Variants in KCNQ3 observed in about 807,000 individuals in gnomAD.
KCNQ3 encodes the protein potassium voltage-gated channel subfamily Q member 3.
KCNQ3 carries 30 observed loss-of-function variants against 92.5 expected under a neutral mutation model. The observed-to-expected ratio is 0.32, with a 90% CI of 0.24 to 0.44. KCNQ3 has a LOEUF of 0.44. Ranked by LOEUF, KCNQ3 falls within the 20% of genes least tolerant of loss-of-function variation. The probability of loss-of-function intolerance (pLI) is 1.00; values close to 1 mark genes in which losing one functional copy is unlikely to be tolerated. For synonymous variants in KCNQ3, 450 were observed against 468.8 expected (o/e 0.96, Z 0.52); for missense variants, 913 against 1,140.3 (o/e 0.80, Z 2.87).
At chr8:132,214,547 C>A (rs903998943) in intron 1 of KCNQ3, among the ~76,000 whole-genome samples, 2 of 152,174 alleles carry the variant, frequency 1.3e-5, no homozygotes, top group African/African-American at 4.8e-5. Context: ...CCTCTCCTCC[C>A]TCCCCTCCCC....
At chr8:132,160,455 G>A (rs570950649) in intron 9 of KCNQ3, among the ~76,000 whole-genome samples, 2 of 152,178 alleles carry the variant, frequency 1.3e-5, no homozygotes, top group Non-Finnish European at 1.5e-5. Context: ...TAGTCACTCA[G>A]CAAATACATG....
intron 12 of KCNQ3, among the ~76,000 whole-genome samples, chr8:132,135,937 C>A (rs533908153): frequency 6.6e-6 from 1 of 151,488 alleles, no homozygotes; most frequent in African/African-American, 2.4e-5. Flanking sequence ...CTGGCCAGCA[C>A]GGTGAAACCC....
intron 1 of KCNQ3, among the ~76,000 whole-genome samples, chr8:132,187,644 G>C (rs1480705498): frequency 6.6e-6 from 1 of 151,668 alleles, no homozygotes; most frequent in Non-Finnish European, 1.5e-5. Context: ...TGGTGGTGAT[G>C]ATGATGGTTG....
intron 9 of KCNQ3, 53 bp downstream of exon 9, chr8:132,163,415 G>C: frequency 1.4e-6 from 2 of 1,473,236 alleles, no homozygotes; most frequent in Non-Finnish European, 1.9e-6. Context: ...GGAGCAGGAT[G>C]CTCTGTCTTG....
At chr8:132,270,256 TG>T (rs1816109945) in intron 1 of KCNQ3, among the ~76,000 whole-genome samples, 1 of 152,162 alleles carries the variant, frequency 6.6e-6, no homozygotes, top group African/African-American at 2.4e-5. Flanking sequence ...AAACTAGTGG[TG>T]GGGAAAAGGC....
At chr8:132,261,790 G>A (rs1815796860) in intron 1 of KCNQ3, among the ~76,000 whole-genome samples, 1 of 152,168 alleles carries the variant, frequency 6.6e-6, no homozygotes, top group Non-Finnish European at 1.5e-5. Flanking sequence ...GCTTCTCTGC[G>A]GGTTTGCATC....
intron 1 of KCNQ3, among the ~76,000 whole-genome samples, chr8:132,301,764 G>C (rs1310100794): frequency 6.6e-6 from 1 of 152,108 alleles, no homozygotes. Flanking sequence ...GTGGGATGGG[G>C]ATGCGAGACA....
At position 132,126,642 on chromosome 8, in the gene KCNQ3, A is replaced by C. The variant is rs759929761; in HGVS notation, c.*2620T>G. On this transcript the variant is annotated 3_prime_UTR_variant, in exon 15 of 15. Transcript: ENST00000388996. Reference sequence around the variant, plus strand: ...AAGACAACTTACTAGATGTTAGACAATCAATACTTCCCTACTACTGATCAA... The same window carrying C: ...AAGACAACTTACTAGATGTTAGACACTCAATACTTCCCTACTACTGATCAA... 2 of 152,066 alleles carry C rather than the reference A, an allele frequency of 1.3e-5. No homozygotes were observed. The highest frequency in any genetic ancestry group is 2.9e-5 in the Non-Finnish European group (2 of 68,032). 9.4% of individuals were successfully genotyped at this position (152,066 alleles called of 1,614,324 possible). A position where few individuals can be genotyped will look rare whatever the true frequency, so the allele number is the denominator to read the frequency against.
At position 132,170,318 on chromosome 8, in the gene KCNQ3, G is replaced by T. The variant is rs759957346; in HGVS notation, c.1235+16C>A. ...GGCTGGTCACGCCCTGAGCATTCAGGTGAGTCCCCACTTGCCTGAAGAAAG... is the reference window on the plus strand; with the variant it reads ...GGCTGGTCACGCCCTGAGCATTCAGTTGAGTCCCCACTTGCCTGAAGAAAG... On this transcript the variant is annotated intron_variant, in intron 8 of 14. Coordinates refer to ENST00000388996, the MANE Select transcript of KCNQ3 (RefSeq NM_004519.4). 8 of 1,590,292 alleles carry T rather than the reference G, an allele frequency of 5.0e-6. No homozygotes were observed. Among genetic ancestry groups the T allele is most frequent in the Non-Finnish European group, 6.9e-6 (8 of 1,158,458 alleles).
chr8:132,211,674 C>A (rs767458704), intron 1 of KCNQ3, among the ~76,000 whole-genome samples: 1 of 151,908 alleles, frequency 6.6e-6, no homozygotes. Flanking sequence ...ATCTTTTGGA[C>A]GGGCATGGTG....
At chr8:132,316,296 T>A (rs1817740887) in intron 1 of KCNQ3, among the ~76,000 whole-genome samples, 2 of 152,168 alleles carry the variant, frequency 1.3e-5, no homozygotes, top group Non-Finnish European at 2.9e-5. Flanking sequence ...AGTTCCTATC[T>A]TCTCCCCTTC....
At chr8:132,147,378 G>A (rs75678497) in intron 9 of KCNQ3, among the ~76,000 whole-genome samples, 7,646 of 152,160 alleles carry the variant, frequency 0.05, 310 homozygotes, top group Non-Finnish European at 0.074. Flanking sequence ...GCAAGACTTC[G>A]AACAAGCAAG....
chr8:132,430,356 G>A (rs1821216234), intron 1 of KCNQ3, among the ~76,000 whole-genome samples: 1 of 152,198 alleles, frequency 6.6e-6, no homozygotes, highest in African/African-American at 2.4e-5. Context: ...AGGCCCTTCA[G>A]AAGTGACCAA....
At chr8:132,198,679 T>A (rs1417934901) in intron 1 of KCNQ3, among the ~76,000 whole-genome samples, 2 of 151,890 alleles carry the variant, frequency 1.3e-5, no homozygotes, top group East Asian at 3.9e-4. Flanking sequence ...TGGTGGCGGG[T>A]GCCTGCAATC....
chr8:132,185,783 T>A (rs1317595733), intron 2 of KCNQ3, among the ~76,000 whole-genome samples: 2 of 152,258 alleles, frequency 1.3e-5, no homozygotes, highest in Non-Finnish European at 2.9e-5. Context: ...GCCTTTGTGT[T>A]ACCTTTCAGA....
chr8:132,236,789 C>G (rs935778342), intron 1 of KCNQ3, among the ~76,000 whole-genome samples: 1 of 152,148 alleles, frequency 6.6e-6, no homozygotes, highest in Non-Finnish European at 1.5e-5. Context: ...TGGTCAGAGA[C>G]AGAGGAGTAA....
intron 1 of KCNQ3, among the ~76,000 whole-genome samples, chr8:132,312,747 G>A (rs1006898323): frequency 1.8e-4 from 28 of 152,082 alleles, no homozygotes; most frequent in African/African-American, 5.3e-4. Context: ...TCACACTCTC[G>A]CTCTCCCTCA....
chr8:132,150,410 C>T (rs979352893), intron 9 of KCNQ3, among the ~76,000 whole-genome samples: 2 of 152,158 alleles, frequency 1.3e-5, no homozygotes, highest in African/African-American at 4.8e-5. Flanking sequence ...TTACCCTCCA[C>T]GAACCACCTT....
In KCNQ3 at chr8:132,302,751, C is replaced by A. The variant is rs74955700; in HGVS notation, c.387-116570G>T. On this transcript the variant is annotated intron_variant, in intron 1 of 14. Coordinates refer to ENST00000388996, the MANE Select transcript of KCNQ3 (RefSeq NM_004519.4). ...TCCTGCCCTGTTAACAATGCTGTAT[C>A]CTAGATGTTGAGTCATAATGGCTCT... Among the ~76,000 whole-genome samples, 720 of 152,216 alleles carry A rather than the reference C, an allele frequency of 4.7e-3. 5 individuals are homozygous for A. Among genetic ancestry groups the A allele is most frequent in the African/African-American group, 0.017 (698 of 41,518 alleles).
Sources: gnomAD v4.1 joint callset for allele counts (sites outside exome capture counted in the v4.1 genomes callset) on GRCh38, gnomAD v4.1.1 for gene constraint, MANE v1.5 for transcripts, NCBI Gene and HGNC (gene_info 2026-07-23, HGNC 2026-07-21) for gene names.